TOP6BL: variants seen among roughly 807,000 people sequenced by gnomAD.
TOP6BL encodes the protein type 2 DNA topoisomerase 6 subunit B-like.
the TOP6BL span, among the ~76,000 whole-genome samples, chr11:66,765,852 G>C: frequency 6.6e-6 from 1 of 152,134 alleles, no homozygotes; most frequent in Non-Finnish European, 1.5e-5. Context: ...AAATTACTCA[G>C]TGAACCTCAC....
chr11:66,813,514 C>G, the TOP6BL span, among the ~76,000 whole-genome samples: 1 of 152,068 alleles, frequency 6.6e-6, no homozygotes, highest in Non-Finnish European at 1.5e-5. Flanking sequence ...GTGGGCAGAT[C>G]ACGAGGTCAA....
At chr11:66,797,125 T>C in the TOP6BL span, among the ~76,000 whole-genome samples, 4,283 of 151,656 alleles carry the variant, frequency 0.028, 198 homozygotes, top group African/African-American at 0.098. Flanking sequence ...TCCGCCTTCC[T>C]AGTAGCTGGG....
chr11:66,792,607 A>T, the TOP6BL span, among the ~76,000 whole-genome samples: 2 of 152,358 alleles, frequency 1.3e-5, no homozygotes, highest in East Asian at 3.9e-4. Flanking sequence ...CAGTGCTGCC[A>T]CTTAACTAGC....
chr11:66,755,767 C>G, the TOP6BL span, among the ~76,000 whole-genome samples: 1 of 152,190 alleles, frequency 6.6e-6, no homozygotes, highest in Non-Finnish European at 1.5e-5. Flanking sequence ...TTCCATGCCT[C>G]TCTCCTAGCT....
chr11:66,758,172 T>C, the TOP6BL span: 2 of 980,638 alleles, frequency 2.0e-6, no homozygotes, highest in Non-Finnish European at 2.4e-6. Flanking sequence ...TCTGATCTTT[T>C]TGTCCCCTCG....
the TOP6BL span, among the ~76,000 whole-genome samples, chr11:66,835,736 A>C: frequency 1.3e-5 from 2 of 152,226 alleles, no homozygotes; most frequent in Admixed American, 1.3e-4. Context: ...ACCATATAAC[A>C]ATTTCATCCA....
At chr11:66,831,651 T>G in the TOP6BL span, among the ~76,000 whole-genome samples, 1 of 152,242 alleles carries the variant, frequency 6.6e-6, no homozygotes, top group East Asian at 1.9e-4. Flanking sequence ...AATATGTTCA[T>G]TATGTTGATT....
the TOP6BL span, among the ~76,000 whole-genome samples, chr11:66,813,329 T>C: frequency 3.9e-5 from 6 of 152,160 alleles, no homozygotes; most frequent in African/African-American, 1.4e-4. Flanking sequence ...TAAACTGTCT[T>C]AATATTATAT....
the TOP6BL span, among the ~76,000 whole-genome samples, chr11:66,831,058 C>A: frequency 6.6e-6 from 1 of 151,984 alleles, no homozygotes; most frequent in Non-Finnish European, 1.5e-5. Flanking sequence ...CAAAAAAGAA[C>A]CACAATGAGA....
the TOP6BL span, chr11:66,816,003 T>C: frequency 1.5e-5 from 22 of 1,515,768 alleles, no homozygotes; most frequent in Non-Finnish European, 2.0e-5. Flanking sequence ...CACTTTGTAT[T>C]TCAAGAGCTT....
chr11:66,787,224 G>A, the TOP6BL span, among the ~76,000 whole-genome samples: 5 of 151,586 alleles, frequency 3.3e-5, no homozygotes, highest in African/African-American at 9.7e-5. Flanking sequence ...GTGAGCCACC[G>A]TGCCCAGCCG....
chr11:66,796,384 A>G, the TOP6BL span: 4 of 1,562,856 alleles, frequency 2.6e-6, no homozygotes, highest in Non-Finnish European at 3.5e-6. Context: ...TCCTTTGTAC[A>G]ATAATGATTC....
chr11:66,839,214 T>C, the TOP6BL span: 1 of 456,208 alleles, frequency 2.2e-6, no homozygotes, highest in Non-Finnish European at 4.4e-6. Flanking sequence ...CCAGGTACTA[T>C]TCTGAGCTTT....
At chr11:66,756,327 CT>C in the TOP6BL span, 6 of 1,196,516 alleles carry the variant, frequency 5.0e-6, no homozygotes, top group Admixed American at 3.1e-5. Context: ...AGTTAACCCC[CT>C]TTTCCCCCCT....
the TOP6BL span, among the ~76,000 whole-genome samples, chr11:66,839,495 G>A: frequency 7.9e-5 from 12 of 152,170 alleles, no homozygotes; most frequent in African/African-American, 2.7e-4. Flanking sequence ...GCTGGGGATC[G>A]TGACGTCAGC....
the TOP6BL span, among the ~76,000 whole-genome samples, chr11:66,841,088 G>T: frequency 6.7e-6 from 1 of 149,030 alleles, no homozygotes; most frequent in African/African-American, 2.5e-5. Context: ...CTGAAATCTT[G>T]GATTCATTCA....
At chr11:66,793,092 G>GTT in the TOP6BL span, among the ~76,000 whole-genome samples, 2 of 146,006 alleles carry the variant, frequency 1.4e-5, no homozygotes, top group South Asian at 2.2e-4. Flanking sequence ...TGGTAATAAT[G>GTT]TTTTTTTTTT....
the TOP6BL span, among the ~76,000 whole-genome samples, chr11:66,788,491 G>T: frequency 6.6e-6 from 1 of 152,258 alleles, no homozygotes. Context: ...ATTGGTCTGG[G>T]TGTTGTAATT....
the TOP6BL span, among the ~76,000 whole-genome samples, chr11:66,786,411 C>T: frequency 6.6e-6 from 1 of 152,068 alleles, no homozygotes; most frequent in Non-Finnish European, 1.5e-5. Flanking sequence ...GAGATTTCAG[C>T]ATATGCTTAA....
Sources: gnomAD v4.1 joint callset for allele counts (sites outside exome capture counted in the v4.1 genomes callset) on GRCh38, gnomAD v4.1.1 for gene constraint, MANE v1.5 for transcripts, NCBI Gene and HGNC (gene_info 2026-07-23, HGNC 2026-07-21) for gene names.